The following HERC3 variants were observed in gnomAD, a reference collection of about 807,000 sequenced individuals.
HERC3 encodes HECT and RLD domain containing E3 ubiquitin protein ligase 3.
HERC3 carries 58 observed loss-of-function variants against 129.9 expected under a neutral mutation model. The observed-to-expected ratio is 0.45, with a 90% CI of 0.36 to 0.56. The LOEUF (loss-of-function observed/expected upper bound fraction) is 0.56, where lower values mean the gene tolerates loss of function less well. HERC3 is among the 20% of genes least tolerant of loss of function. HERC3 has a pLI of 0.00. For missense variants in HERC3, 835 were observed against 1,244.2 expected (o/e 0.67, Z 4.95); for synonymous variants, 430 against 451.0 (o/e 0.95, Z 0.59).
intron 20 of HERC3, 42 bp from the exon 21 acceptor site, chr4:88,681,117 C>A: frequency 6.5e-7 from 1 of 1,536,588 alleles, no homozygotes; most frequent in African/African-American, 1.4e-5. Flanking sequence ...AGGCCAGAAA[C>A]ATTGCATTTC....
intron 24 of HERC3, 48 bp from the exon 25 acceptor site, chr4:88,704,460 T>C (rs1735598154): frequency 1.5e-6 from 2 of 1,351,212 alleles, no homozygotes; most frequent in African/African-American, 2.9e-5. Context: ...ATGTCCACTA[T>C]AATATTCTTC....
intron 23 of HERC3, chr4:88,693,205 CA>C (rs1336449146): frequency 1.0e-6 from 1 of 980,560 alleles, no homozygotes; most frequent in Non-Finnish European, 1.2e-6. Flanking sequence ...TCTTCCCCCC[CA>C]CCACCATTTT....
intron 14 of HERC3, chr4:88,668,628 T>A (rs1261727984): frequency 1.3e-5 from 2 of 154,516 alleles, no homozygotes; most frequent in African/African-American, 4.8e-5. Flanking sequence ...GTGTCTTTCA[T>A]GGGAGTAGCA....
the HERC3 span, among the ~76,000 whole-genome samples, chr4:88,536,672 T>C: frequency 6.6e-6 from 1 of 152,222 alleles, no homozygotes; most frequent in African/African-American, 2.4e-5. Context: ...GTACCAAATG[T>C]TGTTCCTCTT....
the HERC3 span, among the ~76,000 whole-genome samples, chr4:88,529,315 T>G: frequency 6.6e-6 from 1 of 152,046 alleles, no homozygotes; most frequent in Admixed American, 6.6e-5. Context: ...AATAAAAAAG[T>G]TGGCTATGGC....
chr4:88,572,495 T>C, the HERC3 span, among the ~76,000 whole-genome samples: 2 of 151,972 alleles, frequency 1.3e-5, no homozygotes, highest in East Asian at 3.9e-4. Context: ...AATCAATTTA[T>C]CAATATGTAA....
In HERC3 at chr4:88,683,104, G is replaced by A. The variant is rs573614966; in HGVS notation, c.2507+1779G>A. ...ATGAGCATTTTTTCATGTGTCTTTT[G>A]GCTGCATAAATGTCTTCTTTTGAGA... On this transcript the variant is annotated intron_variant, in intron 21 of 25. Coordinates refer to ENST00000402738, the MANE Select transcript of HERC3 (RefSeq NM_014606.3). 2.0e-4 allele frequency among the ~76,000 whole-genome samples: 30 copies of A among 152,106 alleles called. 1 individual carries two copies. The highest frequency in any genetic ancestry group is 3.4e-3 in the Middle Eastern group (1 of 294).
the HERC3 span, among the ~76,000 whole-genome samples, chr4:88,578,962 T>C: frequency 1.3e-5 from 2 of 152,172 alleles, no homozygotes; most frequent in Non-Finnish European, 2.9e-5. Context: ...ACTGTTGAGA[T>C]GAAGTCATGG....
chr4:88,682,355 A>G (rs6849845), intron 21 of HERC3, among the ~76,000 whole-genome samples: 69,698 of 151,758 alleles, frequency 0.46, 19,973 homozygotes, highest in African/African-American at 0.81. Context: ...AAGTTTTAGG[A>G]TACATGTGCA....
chr4:88,536,934 TA>T, the HERC3 span, among the ~76,000 whole-genome samples: 1 of 152,176 alleles, frequency 6.6e-6, no homozygotes. Context: ...ACTAAAGTTA[TA>T]AAAATACGAC....
chr4:88,570,202 G>A, the HERC3 span, among the ~76,000 whole-genome samples: 1 of 152,128 alleles, frequency 6.6e-6, no homozygotes, highest in Non-Finnish European at 1.5e-5. Flanking sequence ...GGATATAGAA[G>A]TAATTAGTTT....
At chr4:88,533,102 C>A in the HERC3 span, among the ~76,000 whole-genome samples, 676 of 152,348 alleles carry the variant, frequency 4.4e-3, 6 homozygotes, top group African/African-American at 0.016. Context: ...GCCGGAGAAT[C>A]CCTGGCGATC....
intron 1 of HERC3, among the ~76,000 whole-genome samples, chr4:88,594,504 A>G (rs1266075716): frequency 6.6e-6 from 1 of 152,094 alleles, no homozygotes; most frequent in Non-Finnish European, 1.5e-5. Flanking sequence ...CCCAGGCTCA[A>G]GCGAATCTGC....
At chr4:88,540,559 A>C in the HERC3 span, among the ~76,000 whole-genome samples, 1 of 152,338 alleles carries the variant, frequency 6.6e-6, no homozygotes, top group African/African-American at 2.4e-5. Context: ...TCACCTAGGA[A>C]GGCAGGCCAG....
the HERC3 span, among the ~76,000 whole-genome samples, chr4:88,566,169 C>G: frequency 6.6e-6 from 1 of 152,136 alleles, no homozygotes; most frequent in African/African-American, 2.4e-5. Flanking sequence ...TTGTTCTCCT[C>G]TATGTGTCCA....
chr4:88,565,687 T>C, the HERC3 span, among the ~76,000 whole-genome samples: 22 of 152,180 alleles, frequency 1.4e-4, no homozygotes, highest in African/African-American at 5.1e-4. Flanking sequence ...AGCCACTCTA[T>C]TTCTTTTCAT....
intron 23 of HERC3, chr4:88,697,045 G>T: frequency 1.6e-6 from 1 of 632,758 alleles, no homozygotes; most frequent in Non-Finnish European, 2.6e-6. Context: ...AGCTGGCCAG[G>T]ATCTAATTGC....
rs763607352 is a variant in HERC3 at position 88,664,137 on chromosome 4, T to A, written c.1272-16T>A. The A allele has an allele frequency of 2.2e-5, 36 of 1,606,342 alleles. No individual in the cohort carries two copies. The East Asian group carries it at 7.6e-4, about 34-fold the overall frequency. The stretch of plus-strand genomic sequence containing the variant: ...AATTATTAAAGGCTTCCCCCTCCCT[T>A]CTTTTCTTTGAGCAGTGGTGTTGTT... On this transcript the variant is annotated splice_polypyrimidine_tract_variant and intron_variant, in intron 11 of 25. Transcript: ENST00000402738.
intron 3 of HERC3, among the ~76,000 whole-genome samples, chr4:88,646,105 TCATTAGTTGTGAGCCTTGGCCAAATTA>T: frequency 6.6e-6 from 1 of 152,260 alleles, no homozygotes; most frequent in East Asian, 1.9e-4. Context: ...GTTCCACCAA[TCATTAGTTGTGAGCCTTGGCCAAATTA>T]CATCCTCTTT....
Sources: gnomAD v4.1 joint callset for allele counts (sites outside exome capture counted in the v4.1 genomes callset) on GRCh38, gnomAD v4.1.1 for gene constraint, MANE v1.5 for transcripts, NCBI Gene and HGNC (gene_info 2026-07-23, HGNC 2026-07-21) for gene names.